The following ADGRF5 variants were observed in gnomAD, a reference collection of about 807,000 sequenced individuals.
ADGRF5 encodes the protein adhesion G protein-coupled receptor F5.
Under a neutral mutation model 132.3 loss-of-function variants are expected in ADGRF5, and 75 were observed. That is an observed-to-expected ratio of 0.57 (90% CI 0.47 to 0.69). ADGRF5 has a LOEUF of 0.69. ADGRF5 is among the 30% of genes least tolerant of loss of function. The pLI is 0.00. For missense variants in ADGRF5, 1,516 were observed against 1,630.6 expected (o/e 0.93, Z 1.21); for synonymous variants, 629 against 597.6 (o/e 1.05, Z -0.77).
intron 2 of ADGRF5, 40 bp downstream of exon 2, chr6:46,906,621 T>C (rs750021047): frequency 9.4e-7 from 1 of 1,061,004 alleles, no homozygotes; most frequent in South Asian, 1.4e-5. Flanking sequence ...ATCAGAAAAA[T>C]GTGACAAGAA....
chr6:46,932,885 T>G (rs1777627237), intron 1 of ADGRF5, among the ~76,000 whole-genome samples: 1 of 152,198 alleles, frequency 6.6e-6, no homozygotes, highest in Non-Finnish European at 1.5e-5. Context: ...GAATACATAA[T>G]ATGTCATGCA....
Position 46,852,961 on chromosome 6 carries a change from A to G in ADGRF5, c.*1031T>C, listed in dbSNP as rs1446464105. The G allele has an allele frequency of 6.6e-6, 1 of 152,646 alleles. No individual in the cohort carries two copies. The highest frequency in any genetic ancestry group is 1.5e-5 in the Non-Finnish European group (1 of 68,040). The allele number at this position is 152,646 out of a possible 1,614,324, so 9.5% of individuals were successfully genotyped here. A position where few individuals can be genotyped will look rare whatever the true frequency, so the allele number is the denominator to read the frequency against. ...CTATAAGATTATTAAAATCTATTCT[A>G]TAATGCACAGAGAAGTACCTGCTTG... On this transcript the variant is annotated 3_prime_UTR_variant, in exon 21 of 21. Transcript: ENST00000283296.
chr6:46,858,503 G>T lies in ADGRF5; in HGVS notation c.3400C>A (p.Leu1134Ile). 1 of 1,613,912 alleles carries T rather than the reference G, an allele frequency of 6.2e-7. No homozygotes were observed. The highest frequency in any genetic ancestry group is 2.2e-5 in the East Asian group (1 of 44,878). Residue 1134 changes from leucine to isoleucine, a missense_variant, in exon 17 of 21, where the codon CTT becomes ATT. Leu to Ile is a conservative substitution (Grantham distance 5). This residue lies in a region of ADGRF5 where 571 missense variants were observed against 701.2 expected (regional missense o/e 0.81). Coordinates refer to ENST00000283296, the MANE Select transcript of ADGRF5 (RefSeq NM_001098518.2). ...RSTQKAIAFC[L>I]GYGCPLAISV... The stretch of plus-strand genomic sequence containing the variant: ...ATGGCAAGTGGGCAGCCATAGCCAA[G>T]ACAGAAGGCAATGGCTTTCTGAGTG...
chr6:46,953,912 T>TA (rs1459535753), intron 1 of ADGRF5, among the ~76,000 whole-genome samples: 2 of 151,502 alleles, frequency 1.3e-5, no homozygotes, highest in African/African-American at 4.9e-5. Context: ...TCTCTTAGAG[T>TA]AAAGGCTGGT....
chr6:46,909,042 A>G (rs1247261797), intron 1 of ADGRF5: 1 of 152,136 alleles, frequency 6.6e-6, no homozygotes, highest in Non-Finnish European at 1.5e-5. Flanking sequence ...TTTAACCTGC[A>G]TCATTAATCG....
At chr6:46,943,926 A>G (rs1778198141) in intron 1 of ADGRF5, among the ~76,000 whole-genome samples, 1 of 152,244 alleles carries the variant, frequency 6.6e-6, no homozygotes, top group Non-Finnish European at 1.5e-5. Context: ...TCCTGCAAAC[A>G]TAAGCCTGGA....
At chr6:46,909,480 G>C (rs998311143) in intron 1 of ADGRF5, among the ~76,000 whole-genome samples, 1 of 152,352 alleles carries the variant, frequency 6.6e-6, no homozygotes, top group African/African-American at 2.4e-5. Flanking sequence ...TGTCTGTGAA[G>C]TTAGAAGACA....
intron 3 of ADGRF5, among the ~76,000 whole-genome samples, chr6:46,899,044 C>T (rs1464074270): frequency 6.6e-6 from 1 of 152,108 alleles, no homozygotes; most frequent in South Asian, 2.1e-4. Flanking sequence ...AAAATAATTA[C>T]AGTGCTTTGG....
At chr6:46,924,659 G>A (rs1343334162), upstream of ADGRF5, among the ~76,000 whole-genome samples, 1 of 152,082 alleles carries the variant, frequency 6.6e-6, no homozygotes, top group Non-Finnish European at 1.5e-5. Context: ...TCTCCTTTCA[G>A]TTGTTCAATA....
At chr6:46,944,254 A>G (rs1051824890) in intron 1 of ADGRF5, among the ~76,000 whole-genome samples, 2 of 152,190 alleles carry the variant, frequency 1.3e-5, no homozygotes, top group Non-Finnish European at 2.9e-5. Context: ...GATCCTTCGC[A>G]TGCACAGTTC....
intron 10 of ADGRF5, among the ~76,000 whole-genome samples, chr6:46,874,954 A>C (rs574477663): frequency 1.4e-4 from 22 of 152,318 alleles, no homozygotes; most frequent in Non-Finnish European, 2.9e-4. Flanking sequence ...CCTACAATGC[A>C]CAGAACAGTT....
chr6:46,880,293 A>G (rs541156269), intron 8 of ADGRF5, among the ~76,000 whole-genome samples: 164 of 152,268 alleles, frequency 1.1e-3, no homozygotes, highest in Non-Finnish European at 1.5e-3. Context: ...TAACGGCAGT[A>G]ATGGAGATTT....
intron 14 of ADGRF5, 120 bp downstream of exon 14, chr6:46,864,922 G>A: frequency 1.4e-6 from 1 of 694,634 alleles, no homozygotes; most frequent in Non-Finnish European, 2.5e-6. Flanking sequence ...TGAGCCCAGG[G>A]CCTACCACAG....
In ADGRF5 at chr6:46,878,302, C is replaced by T. The variant is rs2150830115; in HGVS notation, c.1140G>A (p.Val380=). 6.2e-7 allele frequency: 1 copy of T among 1,613,494 alleles called. No individual in the cohort carries two copies. The highest frequency in any genetic ancestry group is 8.5e-7 in the Non-Finnish European group (1 of 1,179,412). The change falls in exon 10 of 21, where the codon GTG becomes GTA. Residue 380 remains valine, a synonymous_variant. Transcript: ENST00000283296. ...IQILANEEMK[V]MCDNNPVSLN... ...AAGATACAGGATTGTTGTCGCACAT[C>T]ACCTTCATTTCTTCATTTGCCAAAA...
intron 4 of ADGRF5, 45 bp from the exon 5 acceptor site, chr6:46,884,316 G>A (rs1772822813): frequency 6.7e-7 from 1 of 1,488,772 alleles, no homozygotes; most frequent in Admixed American, 1.8e-5. Context: ...TGGAGAAGGT[G>A]GTCACCATAT....
chr6:46,893,900 C>A (rs951379124), intron 3 of ADGRF5, among the ~76,000 whole-genome samples: 1 of 152,190 alleles, frequency 6.6e-6, no homozygotes, highest in African/African-American at 2.4e-5. Flanking sequence ...CTTACAGGGA[C>A]ATTTCTGGAA....
intron 6 of ADGRF5, among the ~76,000 whole-genome samples, chr6:46,882,864 T>G (rs1772631040): frequency 6.6e-6 from 1 of 152,094 alleles, no homozygotes. Flanking sequence ...AGCAGGAGGG[T>G]GCTGACAGCC....
chr6:46,938,311 T>C (rs532683548), intron 1 of ADGRF5, among the ~76,000 whole-genome samples: 1 of 152,296 alleles, frequency 6.6e-6, no homozygotes, highest in East Asian at 1.9e-4. Flanking sequence ...AAATCAGAGC[T>C]GAGTGTGGTA....
At chr6:46,907,108 A>T (rs190108021) in intron 1 of ADGRF5, among the ~76,000 whole-genome samples, 134 of 152,354 alleles carry the variant, frequency 8.8e-4, no homozygotes, top group African/African-American at 2.8e-3. Flanking sequence ...CATTTTCGCT[A>T]CATGCAATAT....
Sources: allele counts gnomAD v4.1 joint callset (sites outside exome capture counted in the v4.1 genomes callset), GRCh38; gene constraint gnomAD v4.1.1; regional missense constraint gnomAD v4.1.1; transcripts MANE v1.5; gene names NCBI Gene and HGNC (gene_info 2026-07-23, HGNC 2026-07-21).